The following KCNK10 variants were observed in gnomAD, a reference collection of about 807,000 sequenced individuals.
The protein encoded by KCNK10 is potassium channel subfamily K member 10.
In KCNK10, 25 loss-of-function variants were observed where a neutral mutation model predicts 47.7. That is an observed-to-expected ratio of 0.52 (90% confidence interval 0.38 to 0.73). The LOEUF is 0.73. Ranked by LOEUF, KCNK10 falls within the 30% of genes least tolerant of loss-of-function variation. The probability of loss-of-function intolerance (pLI) is 0.00; values close to 1 mark genes in which losing one functional copy is unlikely to be tolerated. For synonymous variants in KCNK10, 303 were observed against 285.6 expected (o/e 1.06, Z -0.61); for missense variants, 563 against 714.5 (o/e 0.79, Z 2.42).
intron 4 of KCNK10, among the ~76,000 whole-genome samples, chr14:88,197,219 T>A (rs1884942302): frequency 6.6e-6 from 1 of 152,182 alleles, no homozygotes; most frequent in East Asian, 1.9e-4. Flanking sequence ...GATGTTGGTA[T>A]ATATGGGTAA....
intron 4 of KCNK10, among the ~76,000 whole-genome samples, chr14:88,216,274 G>A (rs931653744): frequency 1.3e-5 from 2 of 152,186 alleles, no homozygotes; most frequent in African/African-American, 4.8e-5. Context: ...CAGAGCTCGT[G>A]TGGAAGATTT....
intron 3 of KCNK10, among the ~76,000 whole-genome samples, chr14:88,231,678 T>C (rs1302692797): frequency 1.3e-5 from 2 of 152,188 alleles, no homozygotes; most frequent in Non-Finnish European, 1.5e-5. Flanking sequence ...CACGTTGAAT[T>C]AGTTACTGAG....
intron 4 of KCNK10, among the ~76,000 whole-genome samples, chr14:88,209,275 G>A (rs950479455): frequency 2.0e-5 from 3 of 152,200 alleles, no homozygotes; most frequent in African/African-American, 7.2e-5. Context: ...AAGAGCACGG[G>A]CAAGCTGAGA....
chr14:88,260,482 T>C lies in KCNK10; in HGVS notation c.402+2720A>G, dbSNP rs975061180. ...ATAGTGAGAATGGACTAATACAGCATTCAACATAAAGCACAAGTTTAAAAG... is the reference window on the plus strand; with the variant it reads ...ATAGTGAGAATGGACTAATACAGCACTCAACATAAAGCACAAGTTTAAAAG... On this transcript the variant is annotated intron_variant, in intron 2 of 6. Transcript: ENST00000319231. The surrounding 1 kb of genome is among the most constrained non-coding windows in gnomAD (Gnocchi z 4.5). Among the ~76,000 whole-genome samples, 2 of 152,326 alleles carry C rather than the reference T, an allele frequency of 1.3e-5. No homozygotes were observed. Among genetic ancestry groups the C allele is most frequent in the South Asian group, 4.1e-4 (2 of 4,828 alleles).
chr14:88,314,542 G>C (rs1888390337), intron 1 of KCNK10, among the ~76,000 whole-genome samples: 1 of 152,226 alleles, frequency 6.6e-6, no homozygotes, highest in African/African-American at 2.4e-5. Flanking sequence ...TCCAAGCCAT[G>C]TTCTTTCACT....
intron 1 of KCNK10, among the ~76,000 whole-genome samples, chr14:88,313,114 T>C (rs868857423): frequency 1.3e-5 from 2 of 152,346 alleles, no homozygotes; most frequent in South Asian, 2.1e-4. Context: ...TAGGTAACTT[T>C]GGGCAAGTTA....
chr14:88,264,839 C>T (rs1290324249), intron 1 of KCNK10, among the ~76,000 whole-genome samples: 2 of 152,226 alleles, frequency 1.3e-5, no homozygotes, highest in African/African-American at 2.4e-5. Context: ...TCTTGCTAAC[C>T]TTTCCCTAAA....
chr14:88,323,287 T>A, upstream of KCNK10: 1 of 985,020 alleles, frequency 1.0e-6, no homozygotes, highest in East Asian at 1.2e-4. Context: ...CACGTCAGCC[T>A]CGCTCGGCCG....
chr14:88,186,332 T>A lies in KCNK10; in HGVS notation c.1012-177A>T, dbSNP rs546889875. ...AGTACTTCTGCCACCTGGACACCCA[T>A]CCCTAATTGGCTAGTAAATAAGGTG... On this transcript the variant is annotated intron_variant, in intron 6 of 6. Coordinates refer to ENST00000319231, the MANE Select transcript of KCNK10 (RefSeq NM_138317.3). The surrounding 1 kb of genome is among the most constrained non-coding windows in gnomAD (Gnocchi z 5.5). 1.3e-5 allele frequency among the ~76,000 whole-genome samples: 2 copies of A among 152,118 alleles called. No homozygotes were observed. The highest frequency in any genetic ancestry group is 4.2e-4 in the South Asian group (2 of 4,812).
chr14:88,266,678 C>T (rs1007946124), intron 1 of KCNK10, among the ~76,000 whole-genome samples: 3 of 152,136 alleles, frequency 2.0e-5, no homozygotes, highest in African/African-American at 7.2e-5. Context: ...TGAATGGGCA[C>T]AAAGGGGTGT....
intron 3 of KCNK10, among the ~76,000 whole-genome samples, chr14:88,230,474 T>C (rs1207110148): frequency 6.6e-6 from 1 of 152,252 alleles, no homozygotes; most frequent in African/African-American, 2.4e-5. Context: ...AAAGAGGACT[T>C]GTGCCTGAGG....
Position 88,180,589 on chromosome 14 carries a change from T to G in KCNK10, c.*4946A>C, listed in dbSNP as rs1308944394. The G allele has an allele frequency of 5.1e-6, 2 of 393,652 alleles. No homozygotes were observed. The highest frequency in any genetic ancestry group is 4.1e-5 in the African/African-American group (2 of 48,530). The allele number at this position is 393,652 out of a possible 1,614,324, so 24.4% of individuals were successfully genotyped here. On this transcript the variant is annotated 3_prime_UTR_variant, in exon 7 of 7. Transcript: ENST00000319231. ...ATTTATTTTAATGCACAGGGAACTATTTCAGATTTTTCACCTAAGAATCAA... is the reference window on the plus strand; with the variant it reads ...ATTTATTTTAATGCACAGGGAACTAGTTCAGATTTTTCACCTAAGAATCAA...
At chr14:88,248,720 C>T (rs1176869814) in intron 2 of KCNK10, among the ~76,000 whole-genome samples, 1 of 151,426 alleles carries the variant, frequency 6.6e-6, no homozygotes, top group Non-Finnish European at 1.5e-5. Context: ...AGCAAGACTG[C>T]CCTTTACAGA....
chr14:88,248,085 A>G (rs191516687), intron 2 of KCNK10, among the ~76,000 whole-genome samples: 3 of 152,360 alleles, frequency 2.0e-5, no homozygotes, highest in Admixed American at 6.5e-5. Flanking sequence ...AAATTTGCCA[A>G]CTGATGTTGA....
intron 2 of KCNK10, among the ~76,000 whole-genome samples, chr14:88,244,431 G>A (rs1163430556): frequency 2.0e-5 from 3 of 152,194 alleles, no homozygotes. Context: ...CACTTTGGGA[G>A]GCCAAGGCAG....
intron 4 of KCNK10, among the ~76,000 whole-genome samples, chr14:88,218,378 A>T (rs2025018): frequency 1.3e-5 from 2 of 152,092 alleles, no homozygotes; most frequent in Non-Finnish European, 2.9e-5. Flanking sequence ...TAACCGTATT[A>T]GCACTTTGAG....
intron 4 of KCNK10, among the ~76,000 whole-genome samples, chr14:88,212,517 T>C: frequency 6.6e-6 from 1 of 152,038 alleles, no homozygotes; most frequent in Non-Finnish European, 1.5e-5. Flanking sequence ...AAATGAATCA[T>C]TGATGACAAC....
intron 4 of KCNK10, among the ~76,000 whole-genome samples, chr14:88,201,194 G>A (rs1186577378): frequency 2.0e-5 from 3 of 152,176 alleles, no homozygotes; most frequent in African/African-American, 7.2e-5. Flanking sequence ...CCTAGGGGAC[G>A]TGATCTCATC....
At chr14:88,304,414 A>G (rs1165097185) in intron 1 of KCNK10, among the ~76,000 whole-genome samples, 1 of 152,252 alleles carries the variant, frequency 6.6e-6, no homozygotes, top group East Asian at 1.9e-4. Flanking sequence ...CACTGAATAT[A>G]TATTTGCAAA....
Sources: gnomAD v4.1 joint callset for allele counts (sites outside exome capture counted in the v4.1 genomes callset) on GRCh38, gnomAD v4.1.1 for gene constraint, Gnocchi (gnomAD v3.1) non-coding constraint, MANE v1.5 for transcripts, NCBI Gene and HGNC (gene_info 2026-07-23, HGNC 2026-07-21) for gene names.